Variants in DDX27 observed in about 807,000 individuals in gnomAD.
DDX27 encodes the protein DEAD-box helicase 27, also known as probable ATP-dependent RNA helicase DDX27.
A neutral mutation model predicts 99.3 loss-of-function variants in DDX27; 42 were observed. That is an observed-to-expected ratio of 0.42 (90% CI 0.33 to 0.55). The LOEUF (loss-of-function observed/expected upper bound fraction) is 0.55. Among genes scored for constraint, DDX27 ranks in the 20% least tolerant of loss-of-function variants. The probability of loss-of-function intolerance (pLI) is 0.07; values close to 1 mark genes in which losing one functional copy is unlikely to be tolerated. For synonymous variants in DDX27, 329 were observed against 353.8 expected (o/e 0.93, Z 0.79); for missense variants, 798 against 976.8 (o/e 0.82, Z 2.44).
At chr20:49,224,817 G>A in intron 4 of DDX27, 128 bp from the exon 5 acceptor site, 1 of 987,220 alleles carries the variant, frequency 1.0e-6, no homozygotes, top group Non-Finnish European at 1.5e-6. Flanking sequence ...CCTCATCTGT[G>A]AAACAAGGTT....
Position 49,241,889 on chromosome 20 carries a change from C to T in DDX27, c.1898-4C>T. On this transcript the variant is annotated splice_polypyrimidine_tract_variant and splice_region_variant and intron_variant, in intron 16 of 20. Transcript: ENST00000618172. ...TGAAATCTTATGCTTTCTTCTCATC[C>T]CAGTTGCCAAAGCTCTGCAGGAATT... 1 of 1,613,976 alleles carries T rather than the reference C, an allele frequency of 6.2e-7. No homozygotes were observed. The highest frequency in any genetic ancestry group is 8.5e-7 in the Non-Finnish European group (1 of 1,179,856).
intron 9 of DDX27, 36 bp downstream of exon 9, chr20:49,230,385 G>C (rs1233635230): frequency 5.7e-6 from 9 of 1,584,172 alleles, no homozygotes; most frequent in Non-Finnish European, 7.7e-6. Context: ...GGCACTGTGG[G>C]GTTCCAAGGC....
intron 9 of DDX27, 72 bp from the exon 10 acceptor site, chr20:49,233,234 T>A: frequency 9.4e-7 from 1 of 1,069,132 alleles, no homozygotes; most frequent in Non-Finnish European, 1.4e-6. Flanking sequence ...GCAGCCGGTA[T>A]GCAATCCCGT....
At chr20:49,226,560 G>A (rs772565662) in intron 7 of DDX27, 25 bp downstream of exon 7, 3 of 1,585,822 alleles carry the variant, frequency 1.9e-6, no homozygotes, top group Non-Finnish European at 2.6e-6. Flanking sequence ...GACCCAGGGT[G>A]GGCAGAAGGG....
Position 49,228,767 on chromosome 20 carries a change from C to T in DDX27, c.759C>T (p.Pro253=), listed in dbSNP as rs1456620206. Residue 253 remains proline, a synonymous_variant, in exon 8 of 21, where the codon CCC becomes CCT. Coordinates refer to ENST00000618172, the MANE Select transcript of DDX27 (RefSeq NM_017895.8). The part of the protein sequence containing the change: ...LPVLERLIYK[P]RQAPVTRVLV... The stretch of plus-strand genomic sequence containing the variant: ...TTTTGGAGCGTCTGATTTATAAACC[C>T]CGCCAGGCTCCAGTCACCCGCGTGC... The T allele has an allele frequency of 1.9e-6, 3 of 1,613,100 alleles. No individual in the cohort carries two copies. In the South Asian group the frequency reaches 3.3e-5, roughly 18 times the overall value.
At position 49,243,977 on chromosome 20, in the gene DDX27, CGTA is replaced by C; in HGVS notation, c.*145_*147del. ...AACACTTTGGTGTGGTGGTATGGTA[CGTA>C]GCTATTTTCCTAAGCATGTCTGTCA... On this transcript the variant is annotated 3_prime_UTR_variant, in exon 21 of 21. Coordinates refer to ENST00000618172, the MANE Select transcript of DDX27 (RefSeq NM_017895.8). The C allele has an allele frequency of 2.2e-6, 2 of 913,004 alleles. No homozygotes were observed. The highest frequency in any genetic ancestry group is 3.3e-6 in the Non-Finnish European group (2 of 602,098). 56.6% of individuals were successfully genotyped at this position (913,004 alleles called of 1,614,324 possible).
chr20:49,219,447 A>T lies in DDX27; in HGVS notation c.-2A>T. ...GCTTCCGGAAGTGGCTTCTGCGACA[A>T]CATGCTTGCGGACCTCGGCTTAATC... On this transcript the variant is annotated 5_prime_UTR_variant, in exon 1 of 21. Coordinates refer to ENST00000618172, the MANE Select transcript of DDX27 (RefSeq NM_017895.8). 2 of 1,614,128 alleles carry T rather than the reference A, an allele frequency of 1.2e-6. No individual in the cohort carries two copies. The highest frequency in any genetic ancestry group is 1.7e-6 in the Non-Finnish European group (2 of 1,180,002).
intron 9 of DDX27, chr20:49,232,763 CAA>C (rs3061137): frequency 0.12 from 7,250 of 61,058 alleles, 122 homozygotes; most frequent in African/African-American, 0.22. Flanking sequence ...GACTCCGTCT[CAA>C]AAAAAAAAAA....
chr20:49,223,367 G>A lies in DDX27; in HGVS notation c.400G>A (p.Gly134Ser). Residue 134 changes from glycine (G) to serine (S), a missense_variant, in exon 4 of 21, where the codon GGC (glycine) becomes AGC (serine). Around this residue, in one of 2 missense-constraint regions of DDX27, gnomAD observed 245 missense variants for 248.8 expected, o/e 0.98. Transcript: ENST00000618172. Reference protein sequence around the residue: ...QEDLQENDEEGSEDEASETDY... With the variant: ...QEDLQENDEESSEDEASETDY... ...AGACCTTCAAGAGAATGATGAGGAA[G>A]GCTCAGAAGATGAAGCCTCGGAGAC... The A allele has an allele frequency of 6.2e-7, 1 of 1,614,036 alleles. No individual in the cohort carries two copies.
chr20:49,231,498 G>A (rs572883261), intron 9 of DDX27, among the ~76,000 whole-genome samples: 3 of 152,298 alleles, frequency 2.0e-5, no homozygotes, highest in Middle Eastern at 3.4e-3. Context: ...ACCAAAAAAG[G>A]CGGAGGAAGT....
At chr20:49,229,011 C>G (rs1281987833) in intron 8 of DDX27, 123 bp downstream of exon 8, 1 of 743,956 alleles carries the variant, frequency 1.3e-6, no homozygotes, top group Non-Finnish European at 1.9e-6. Context: ...TTGATTGAAT[C>G]CACTTAAAAA....
chr20:49,219,550 A>G lies in DDX27; in HGVS notation c.93+9A>G, dbSNP rs775728538. On this transcript the variant is annotated intron_variant, in intron 1 of 20. Coordinates refer to ENST00000618172, the MANE Select transcript of DDX27 (RefSeq NM_017895.8). ...GGGACGAGGAAGAGGAGGTATGAGC[A>G]CGGTTCTGGTCTTTGGGTTTCCTTG... 1.2e-6 allele frequency: 2 copies of G among 1,612,262 alleles called. No individual in the cohort carries two copies. The highest frequency in any genetic ancestry group is 8.5e-7 in the Non-Finnish European group (1 of 1,178,990).
Position 49,234,643 on chromosome 20 carries a change from C to T in DDX27, c.1274-292C>T, listed in dbSNP as rs73913305. 2,062 of 273,964 alleles carry T rather than the reference C, an allele frequency of 7.5e-3. 38 individuals are homozygous for T. Among genetic ancestry groups the T allele is most frequent in the African/African-American group, 0.042 (1,903 of 45,598 alleles). 17.0% of individuals were successfully genotyped at this position (273,964 alleles called of 1,614,324 possible). On this transcript the variant is annotated intron_variant, in intron 11 of 20. Transcript: ENST00000618172. ...GCCATTTCCTCTGTCTAGAATCTTC[C>T]CCTGGATCTTCCCATGGATCATCTG... is the stretch of plus-strand genomic sequence containing the variant.
At chr20:49,231,528 A>G (rs747653190) in intron 9 of DDX27, among the ~76,000 whole-genome samples, 2 of 152,234 alleles carry the variant, frequency 1.3e-5, no homozygotes, top group African/African-American at 2.4e-5. Context: ...TTAGATCAGG[A>G]GACAGCTCTG....
chr20:49,231,739 G>A (rs1386696963), intron 9 of DDX27, among the ~76,000 whole-genome samples: 2 of 152,168 alleles, frequency 1.3e-5, no homozygotes, highest in East Asian at 1.9e-4. Context: ...GGAACAAACC[G>A]GCCGTCAGTA....
intron 4 of DDX27, 76 bp downstream of exon 4, chr20:49,223,509 C>T: frequency 3.7e-6 from 5 of 1,364,974 alleles, no homozygotes; most frequent in Non-Finnish European, 4.0e-6. Flanking sequence ...GTAGGGTTTC[C>T]TCCACTCTTC....
Position 49,243,874 on chromosome 20 carries a change from A to T in DDX27, c.*40A>T. On this transcript the variant is annotated 3_prime_UTR_variant, in exon 21 of 21. Coordinates refer to ENST00000618172, the MANE Select transcript of DDX27 (RefSeq NM_017895.8). ...AGAAATTCATGGGGGCAGCCCTTAAATCCCTTCCCTGTGGGAAGTCATCCT... is the reference window on the plus strand; with the variant it reads ...AGAAATTCATGGGGGCAGCCCTTAATTCCCTTCCCTGTGGGAAGTCATCCT... 6.2e-7 allele frequency: 1 copy of T among 1,613,300 alleles called. No individual in the cohort carries two copies. Among genetic ancestry groups the T allele is most frequent in the Non-Finnish European group, 8.5e-7 (1 of 1,179,446 alleles).
intron 17 of DDX27, 26 bp from the exon 18 acceptor site, chr20:49,242,057 C>A (rs967787679): frequency 1.2e-6 from 2 of 1,614,024 alleles, no homozygotes; most frequent in African/African-American, 2.7e-5. Flanking sequence ...GTGTGTTCCA[C>A]ACTCACACCT....
In DDX27 at chr20:49,234,964, G is replaced by T. The variant is rs1281366435; in HGVS notation, c.1303G>T (p.Val435Leu). ...GTTGACGAGGACCTTCACTGACCAT[G>T]TGATGCTGTTCACGCAAACCAAGAA... is the stretch of plus-strand genomic sequence containing the variant. ...ALLTRTFTDH[V>L]MLFTQTKKQA... Residue 435 changes from valine (V) to leucine (L), a missense_variant, in exon 12 of 21, where the codon GTG becomes TTG. Coordinates refer to ENST00000618172, the MANE Select transcript of DDX27 (RefSeq NM_017895.8). The T allele has an allele frequency of 6.2e-7, 1 of 1,612,100 alleles. No homozygotes were observed. Among genetic ancestry groups the T allele is most frequent in the South Asian group, 1.1e-5 (1 of 90,812 alleles).
Sources: gnomAD v4.1 joint callset for allele counts (sites outside exome capture counted in the v4.1 genomes callset) on GRCh38, gnomAD v4.1.1 for gene constraint, gnomAD v4.1.1 regional missense constraint, MANE v1.5 for transcripts, NCBI Gene and HGNC (gene_info 2026-07-23, HGNC 2026-07-21) for gene names.